DNAH14: variants seen among roughly 807,000 people sequenced by gnomAD.
DNAH14 encodes the protein dynein axonemal heavy chain 14.
In DNAH14, 478 loss-of-function variants were observed where a neutral mutation model predicts 520.9. The ratio of observed to expected loss-of-function variants is 0.92; its 90% CI spans 0.85 to 0.99. The LOEUF is 0.99. Ranked by LOEUF, DNAH14 falls within the 50% of genes least tolerant of loss-of-function variation. The probability of loss-of-function intolerance (pLI) is 0.00; values close to 1 mark genes in which losing one functional copy is unlikely to be tolerated. For synonymous variants in DNAH14, 1,581 were observed against 1,757.2 expected (o/e 0.90, Z 2.51); for missense variants, 4,831 against 5,234.5 (o/e 0.92, Z 2.38).
At chr1:225,136,095 G>T (rs1188745555) in intron 27 of DNAH14, among the ~76,000 whole-genome samples, 1 of 152,064 alleles carries the variant, frequency 6.6e-6, no homozygotes, top group Admixed American at 6.6e-5. Context: ...GATGAGGCTT[G>T]ACTCTTTATC....
chr1:225,374,901 A>G lies in DNAH14; in HGVS notation c.12516+16A>G, dbSNP rs757066650. The G allele has an allele frequency of 1.4e-4, 209 of 1,511,182 alleles. 1 individual carries two copies. The highest frequency in any genetic ancestry group is 1.4e-4 in the Non-Finnish European group (156 of 1,122,374). The allele number at this position is 1,511,182 out of a possible 1,614,324, so 93.6% of individuals were successfully genotyped here. Reference sequence around the variant, plus strand: ...CAGTGATGGGGTAGGAAAAGAATCAATCTTCTTGCATTTCTCGATAATTTT... The same window carrying G: ...CAGTGATGGGGTAGGAAAAGAATCAGTCTTCTTGCATTTCTCGATAATTTT... On this transcript the variant is annotated intron_variant, in intron 78 of 85. Coordinates refer to ENST00000682510, the MANE Select transcript of DNAH14 (RefSeq NM_001367479.1).
chr1:225,200,267 A>C (rs1039025763), intron 38 of DNAH14, among the ~76,000 whole-genome samples: 1 of 152,084 alleles, frequency 6.6e-6, no homozygotes, highest in Non-Finnish European at 1.5e-5. Flanking sequence ...ATGGTTGGTG[A>C]ATTCTTATCC....
chr1:225,177,492 G>C (rs1025316974), intron 36 of DNAH14, among the ~76,000 whole-genome samples: 3 of 152,186 alleles, frequency 2.0e-5, no homozygotes, highest in Admixed American at 2.0e-4. Context: ...TGTCTCCAGG[G>C]CATGTCAGAG....
chr1:225,307,431 A>C, intron 58 of DNAH14, 30 bp from the exon 59 acceptor site: 1 of 1,416,714 alleles, frequency 7.1e-7, no homozygotes, highest in Non-Finnish European at 9.6e-7. Context: ...GTTATATCTT[A>C]CACCTTCTTA....
intron 46 of DNAH14, among the ~76,000 whole-genome samples, chr1:225,263,627 A>G (rs1431683907): frequency 6.6e-6 from 1 of 152,068 alleles, no homozygotes; most frequent in Non-Finnish European, 1.5e-5. Flanking sequence ...TGATTTTGGA[A>G]TAGAATCCTA....
In DNAH14 at chr1:225,303,176, T is replaced by A. The variant is rs2094172440; in HGVS notation, c.8652T>A (p.His2884Gln). The change falls in exon 57 of 86, where the codon CAT becomes CAA. Residue 2884 changes from histidine (H) to glutamine (Q), a missense_variant. Coordinates refer to ENST00000682510, the MANE Select transcript of DNAH14 (RefSeq NM_001367479.1). ...FFQKRIYKNL[H>Q]IFVIMSPEGP... is the part of the protein sequence containing the mutation. ...TTCAGAGAATATATAAAAATCTTCA[T>A]ATTTTTGTGATCATGAGTCCTGAAG... The A allele has an allele frequency of 6.7e-7, 1 of 1,495,888 alleles. No homozygotes were observed. The highest frequency in any genetic ancestry group is 8.9e-7 in the Non-Finnish European group (1 of 1,124,682). The allele number at this position is 1,495,888 out of a possible 1,614,324, so 92.7% of individuals were successfully genotyped here.
At chr1:225,346,978 C>T (rs957344426) in intron 71 of DNAH14, among the ~76,000 whole-genome samples, 4 of 152,056 alleles carry the variant, frequency 2.6e-5, no homozygotes, top group Non-Finnish European at 4.4e-5. Flanking sequence ...CACTTTCTTA[C>T]GAAAACCTGG....
chr1:225,247,281 G>C (rs2092337923), intron 43 of DNAH14, among the ~76,000 whole-genome samples: 1 of 141,646 alleles, frequency 7.1e-6, no homozygotes, highest in Non-Finnish European at 1.5e-5. Context: ...TGCATGCGGG[G>C]CTGAAAACCC....
At chr1:225,391,578 T>G (rs1028686876) in intron 83 of DNAH14, among the ~76,000 whole-genome samples, 14 of 151,668 alleles carry the variant, frequency 9.2e-5, no homozygotes, top group African/African-American at 3.4e-4. Context: ...TAGGGGGCAT[T>G]TAGGAAGCAG....
chr1:225,069,736 G>A (rs565004682), intron 17 of DNAH14, among the ~76,000 whole-genome samples: 127 of 152,288 alleles, frequency 8.3e-4, no homozygotes, highest in African/African-American at 2.8e-3. Flanking sequence ...ATGACTTAGG[G>A]AGGAGTCCTT....
rs1303746391 is a variant in DNAH14, at chr1:225,293,663, G to A, written c.8469+3581G>A. ...GAACCATACACACTGGGGCCTTTCA[G>A]AGTGTGAAGGGTGGGAGGAGGGAGA... is the stretch of plus-strand genomic sequence containing the variant. On this transcript the variant is annotated intron_variant, in intron 55 of 85. Coordinates refer to ENST00000682510, the MANE Select transcript of DNAH14 (RefSeq NM_001367479.1). Among the ~76,000 whole-genome samples the A allele has an allele frequency of 2.0e-5, 3 of 152,080 alleles. No individual in the cohort carries two copies. In the East Asian group the frequency reaches 5.8e-4, roughly 29 times the overall value.
At chr1:225,022,576 G>A (rs935761551) in intron 10 of DNAH14, among the ~76,000 whole-genome samples, 6 of 152,190 alleles carry the variant, frequency 3.9e-5, no homozygotes, top group Non-Finnish European at 1.5e-5. Flanking sequence ...CAGAATGGCT[G>A]TTATTAAAAA....
chr1:224,944,806 T>A (rs1468415831), intron 1 of DNAH14, among the ~76,000 whole-genome samples: 1 of 152,228 alleles, frequency 6.6e-6, no homozygotes. Context: ...TCTTTAAGAA[T>A]GTTAAATATT....
At chr1:224,955,565 G>A (rs1369143755) in intron 3 of DNAH14, among the ~76,000 whole-genome samples, 1 of 151,888 alleles carries the variant, frequency 6.6e-6, no homozygotes, top group African/African-American at 2.4e-5. Flanking sequence ...CCATTTTCAG[G>A]ATTTGATTTT....
At position 225,159,477 on chromosome 1, in the gene DNAH14, G is replaced by A. The variant is rs751356714; in HGVS notation, c.5437G>A (p.Ala1813Thr). 5 of 1,520,112 alleles carry A rather than the reference G, an allele frequency of 3.3e-6. No individual in the cohort carries two copies. In the African/African-American group the frequency reaches 5.6e-5, roughly 17 times the overall value. 94.2% of individuals were successfully genotyped at this position (1,520,112 alleles called of 1,614,324 possible). A position where few individuals can be genotyped will look rare whatever the true frequency, so the allele number is the denominator to read the frequency against. The change falls in exon 35 of 86, where the codon GCC becomes ACC. Residue 1813 changes from alanine (A) to threonine (T), a missense_variant. Ala to Thr is a moderately conservative substitution (Grantham distance 58, BLOSUM62 0). Coordinates refer to ENST00000682510, the MANE Select transcript of DNAH14 (RefSeq NM_001367479.1). The part of the protein sequence containing the change: ...EVTVLKVNQL[A>T]LEKVIYTATQ... ...GACAGTTTTGAAAGTAAATCAACTTGCCTTGGAGGTAAAAAGACCTTTGAA... is the reference window on the plus strand; with the variant it reads ...GACAGTTTTGAAAGTAAATCAACTTACCTTGGAGGTAAAAAGACCTTTGAA...
intron 51 of DNAH14, 89 bp from the exon 52 acceptor site, chr1:225,272,866 G>T: frequency 5.6e-6 from 7 of 1,248,636 alleles, no homozygotes; most frequent in South Asian, 3.4e-5. Flanking sequence ...TATTTTTATG[G>T]ATCATAAACC....
chr1:225,255,157 T>G (rs2092692637), intron 44 of DNAH14, among the ~76,000 whole-genome samples: 1 of 152,200 alleles, frequency 6.6e-6, no homozygotes, highest in Admixed American at 6.5e-5. Context: ...GAAGGAAACA[T>G]TTGCTTGCAG....
chr1:225,225,792 T>A (rs2090475173), intron 41 of DNAH14, among the ~76,000 whole-genome samples: 1 of 152,192 alleles, frequency 6.6e-6, no homozygotes, highest in Non-Finnish European at 1.5e-5. Context: ...GAGGATATGC[T>A]GTGTTCACAC....
Position 225,152,842 on chromosome 1 carries a change from A to G in DNAH14, c.5155A>G (p.Thr1719Ala), listed in dbSNP as rs890244224. 31 of 1,551,026 alleles carry G rather than the reference A, an allele frequency of 2.0e-5. No individual in the cohort carries two copies. In the Admixed American group the frequency reaches 2.2e-4, roughly 11 times the overall value. The change falls in exon 33 of 86, where the codon ACT (threonine) becomes GCT (alanine). Residue 1719 changes from threonine (T) to alanine (A), a missense_variant. Coordinates refer to ENST00000682510, the MANE Select transcript of DNAH14 (RefSeq NM_001367479.1). ...KSANSLSGKL[T>A]NLYELARKQL... ...TGCAAATTCACTCTCTGGAAAGCTA[A>G]CTAACCTTTATGAATTAGCGCGCAA... is the stretch of plus-strand genomic sequence containing the variant.
Sources: allele counts gnomAD v4.1 joint callset (sites outside exome capture counted in the v4.1 genomes callset), GRCh38; gene constraint gnomAD v4.1.1; transcripts MANE v1.5; gene names NCBI Gene and HGNC (gene_info 2026-07-23, HGNC 2026-07-21).